Variants in NGEF observed in about 807,000 individuals in gnomAD.
NGEF encodes ephexin-1.
Under a neutral mutation model 80.9 loss-of-function variants are expected in NGEF, and 31 were observed. That is an observed-to-expected ratio of 0.38 (90% CI 0.29 to 0.52). NGEF has a LOEUF of 0.52. Among genes scored for constraint, NGEF ranks in the 20% least tolerant of loss-of-function variants. The pLI is 0.84. For missense variants in NGEF, 709 were observed against 926.2 expected (o/e 0.77, Z 3.04); for synonymous variants, 371 against 370.2 (o/e 1.00, Z -0.03).
intron 5 of NGEF, among the ~76,000 whole-genome samples, chr2:232,899,860 TCA>T (rs774917080): frequency 4.3e-4 from 58 of 135,708 alleles, no homozygotes; most frequent in East Asian, 1.6e-3. Context: ...ACACACGCTC[TCA>T]CAGTCACTCA....
intron 3 of NGEF, among the ~76,000 whole-genome samples, chr2:232,953,566 T>C (rs1693730547): frequency 6.6e-6 from 1 of 151,982 alleles, no homozygotes; most frequent in Non-Finnish European, 1.5e-5. Flanking sequence ...TACATTCCTT[T>C]ATGAAAATTA....
At chr2:232,970,358 G>T in intron 2 of NGEF, 30 bp from the exon 3 acceptor site, 1 of 1,410,238 alleles carries the variant, frequency 7.1e-7, no homozygotes, top group Non-Finnish European at 9.9e-7. Flanking sequence ...GAGCAAGTTA[G>T]AAGATACAGA....
intron 1 of NGEF, among the ~76,000 whole-genome samples, chr2:233,000,471 G>A (rs895135333): frequency 7.9e-5 from 12 of 151,956 alleles, no homozygotes; most frequent in South Asian, 6.2e-4. Context: ...CCTAAATGCC[G>A]CCAGGCGAGG....
chr2:232,958,877 A>G (rs1693888748), intron 3 of NGEF, among the ~76,000 whole-genome samples: 1 of 151,810 alleles, frequency 6.6e-6, no homozygotes, highest in African/African-American at 2.4e-5. Context: ...CTCCACTCCC[A>G]CCCACTCCTC....
intron 5 of NGEF, among the ~76,000 whole-genome samples, chr2:232,905,442 C>G (rs545710628): frequency 6.6e-6 from 1 of 152,208 alleles, no homozygotes; most frequent in South Asian, 2.1e-4. Flanking sequence ...GGCGTGATCT[C>G]GGCTCGCTAC....
At chr2:232,948,426 AG>A (rs1241378450) in intron 3 of NGEF, among the ~76,000 whole-genome samples, 1 of 152,114 alleles carries the variant, frequency 6.6e-6, no homozygotes, top group Non-Finnish European at 1.5e-5. Flanking sequence ...GTTATATAGA[AG>A]GATGTCTTTA....
chr2:232,886,234 G>T (rs1323356798), intron 9 of NGEF, among the ~76,000 whole-genome samples: 1 of 88,128 alleles, frequency 1.1e-5, no homozygotes. Flanking sequence ...AGTATGTGCT[G>T]TGTGTGTGTG....
chr2:232,987,764 A>G (rs1177742753), intron 1 of NGEF, among the ~76,000 whole-genome samples: 1 of 152,166 alleles, frequency 6.6e-6, no homozygotes, highest in East Asian at 1.9e-4. Flanking sequence ...TGGGGCTCAA[A>G]GGGATTGTGG....
chr2:233,002,440 G>A (rs1043336174), intron 1 of NGEF, among the ~76,000 whole-genome samples: 1 of 152,166 alleles, frequency 6.6e-6, no homozygotes, highest in Admixed American at 6.5e-5. Context: ...CACTTTGGGA[G>A]GCCGAGGCAG....
At chr2:233,000,508 A>G (rs1358474415) in intron 1 of NGEF, among the ~76,000 whole-genome samples, 1 of 151,526 alleles carries the variant, frequency 6.6e-6, no homozygotes, top group Non-Finnish European at 1.5e-5. Flanking sequence ...TGCCAATCCC[A>G]GCACTTTGGG....
chr2:232,973,938 G>A (rs1444902617), intron 2 of NGEF, among the ~76,000 whole-genome samples: 1 of 152,154 alleles, frequency 6.6e-6, no homozygotes, highest in African/African-American at 2.4e-5. Context: ...CACACTCAGG[G>A]TAGCATATAT....
At position 232,975,885 on chromosome 2, in the gene NGEF, G is replaced by A. The variant is rs561009553; in HGVS notation, c.-74-921C>T. Among the ~76,000 whole-genome samples the A allele has an allele frequency of 3.9e-5, 6 of 152,178 alleles. No individual in the cohort carries two copies. In the South Asian group the frequency reaches 1.0e-3, roughly 26 times the overall value. On this transcript the variant is annotated intron_variant, in intron 1 of 14. Coordinates refer to ENST00000264051, the MANE Select transcript of NGEF (RefSeq NM_019850.3). Reference sequence around the variant, plus strand: ...AGCATATACATTTTTCTGGCCTATCGGTCCAGAGATTCCATCATACCTTCA... The same window carrying A: ...AGCATATACATTTTTCTGGCCTATCAGTCCAGAGATTCCATCATACCTTCA...
chr2:232,939,952 A>T (rs1693405038), intron 3 of NGEF, among the ~76,000 whole-genome samples: 1 of 151,892 alleles, frequency 6.6e-6, no homozygotes, highest in Non-Finnish European at 1.5e-5. Context: ...AGCCGAGATC[A>T]TGTCACTGCA....
At chr2:232,904,493 T>G (rs991290239) in intron 5 of NGEF, among the ~76,000 whole-genome samples, 2 of 152,216 alleles carry the variant, frequency 1.3e-5, no homozygotes, top group Non-Finnish European at 2.9e-5. Context: ...TCTCCCAAAG[T>G]GCTGGGAGTA....
chr2:232,968,142 G>A (rs1694104142), intron 3 of NGEF, among the ~76,000 whole-genome samples: 1 of 143,464 alleles, frequency 7.0e-6, no homozygotes, highest in African/African-American at 2.8e-5. Context: ...AGGCTGGAGT[G>A]CAATGGTGTG....
At chr2:232,988,558 T>C (rs1262525084) in intron 1 of NGEF, among the ~76,000 whole-genome samples, 1 of 152,210 alleles carries the variant, frequency 6.6e-6, no homozygotes, top group African/African-American at 2.4e-5. Flanking sequence ...CGGGACAGTT[T>C]GGCAATGCCT....
intron 8 of NGEF, 47 bp from the exon 9 acceptor site, chr2:232,888,154 TC>T (rs757979006): frequency 5.6e-6 from 8 of 1,426,658 alleles, no homozygotes; most frequent in Middle Eastern, 1.8e-4. Flanking sequence ...TTCTGGTCTT[TC>T]CTCCCATTTC....
chr2:233,012,390 C>T (rs1194187440), intron 1 of NGEF, among the ~76,000 whole-genome samples: 1 of 152,202 alleles, frequency 6.6e-6, no homozygotes, highest in Non-Finnish European at 1.5e-5. Context: ...TGGCTTGAGG[C>T]CAGCCAGATG....
chr2:232,919,305 G>GC (rs1692882787), intron 5 of NGEF, among the ~76,000 whole-genome samples: 1 of 151,992 alleles, frequency 6.6e-6, no homozygotes, highest in Non-Finnish European at 1.5e-5. Flanking sequence ...AACCACAGCT[G>GC]CCACAAGAAA....
Sources: gnomAD v4.1 joint callset for allele counts (sites outside exome capture counted in the v4.1 genomes callset) on GRCh38, gnomAD v4.1.1 for gene constraint, MANE v1.5 for transcripts, NCBI Gene and HGNC (gene_info 2026-07-23, HGNC 2026-07-21) for gene names.